RAB28: variants seen among roughly 807,000 people sequenced by gnomAD.
RAB28 encodes ras-related protein Rab-28.
RAB28 carries 24 observed loss-of-function variants against 31.7 expected under a neutral mutation model. The observed-to-expected ratio is 0.76, with a 90% CI of 0.55 to 1.06. The LOEUF is 1.06. Ranked by LOEUF, RAB28 falls within the 50% of genes least tolerant of loss-of-function variation. RAB28 has a pLI of 0.00. For synonymous variants in RAB28, 100 were observed against 90.4 expected, an observed-to-expected ratio of 1.11 and a Z score of -0.60; for missense variants, 254 against 258.5, an observed-to-expected ratio of 0.98 and a Z score of 0.12.
In RAB28 at chr4:13,479,671, G is replaced by C. The variant is rs1716521862; in HGVS notation, c.76-145C>G. On this transcript the variant is annotated intron_variant, in intron 1 of 6. Coordinates refer to ENST00000330852, the MANE Select transcript of RAB28 (RefSeq NM_001017979.3). ...AAGCAGTTCTAATCAGTTACAAGGA[G>C]GGGAGAGACTTAACACCACCAGGTA... 9 of 581,252 alleles carry C rather than the reference G, an allele frequency of 1.5e-5. No individual in the cohort carries two copies. In the East Asian group the frequency reaches 2.7e-4, roughly 18 times the overall value. The allele number at this position is 581,252 out of a possible 1,614,324, so 36.0% of individuals were successfully genotyped here.
rs936913174 is a variant in RAB28, at chr4:13,435,929, C to T, written c.391+24770G>A. Among the ~76,000 whole-genome samples the T allele has an allele frequency of 1.1e-4, 16 of 152,060 alleles. No homozygotes were observed. The East Asian group carries it at 1.5e-3, about 15-fold the overall frequency. Reference sequence around the variant, plus strand: ...CAAGAACAACATAAAAAGAAAATTACAGGCCAATATGAACATAGAAGCAAA... The same window carrying T: ...CAAGAACAACATAAAAAGAAAATTATAGGCCAATATGAACATAGAAGCAAA... On this transcript the variant is annotated intron_variant, in intron 4 of 6. Transcript: ENST00000330852.
chr4:13,457,340 T>C (rs973001285), intron 4 of RAB28, among the ~76,000 whole-genome samples: 6 of 152,252 alleles, frequency 3.9e-5, no homozygotes, highest in South Asian at 2.1e-4. Context: ...AATTTGGAAA[T>C]AGAAATTAAA....
intron 5 of RAB28, 52 bp from the exon 6 acceptor site, chr4:13,376,674 T>C (rs1045011510): frequency 4.9e-6 from 6 of 1,222,920 alleles, no homozygotes; most frequent in Admixed American, 4.7e-5. Flanking sequence ...GCTTAAGTTA[T>C]CTTCAAATAA....
intron 6 of RAB28, chr4:13,370,009 T>TAAAAAAAAAAAAAAAAAA: frequency 8.1e-7 from 1 of 1,233,892 alleles, no homozygotes; most frequent in Non-Finnish European, 1.1e-6. Flanking sequence ...AAAAAAGAAT[T>TAAAAAAAAAAAAAAAAAA]AAAAAAAAAA....
chr4:13,451,287 G>C (rs185948259), intron 4 of RAB28, among the ~76,000 whole-genome samples: 283 of 151,686 alleles, frequency 1.9e-3, no homozygotes, highest in African/African-American at 6.6e-3. Context: ...GATTAGTGAT[G>C]TTGGAACATT....
chr4:13,412,100 T>C (rs916822771), intron 4 of RAB28, among the ~76,000 whole-genome samples: 5 of 151,832 alleles, frequency 3.3e-5, no homozygotes, highest in African/African-American at 1.2e-4. Flanking sequence ...CACAATTTGT[T>C]GAAGAAGGGA....
chr4:13,443,664 TATC>T (rs1410178828), intron 4 of RAB28, among the ~76,000 whole-genome samples: 2 of 152,190 alleles, frequency 1.3e-5, no homozygotes. Flanking sequence ...TAACCTCACT[TATC>T]ATACTTGTCA....
Position 13,407,941 on chromosome 4 carries a change from T to C in RAB28, c.392-26347A>G, listed in dbSNP as rs186650817. On this transcript the variant is annotated intron_variant, in intron 4 of 6. Coordinates refer to ENST00000330852, the MANE Select transcript of RAB28 (RefSeq NM_001017979.3). The stretch of plus-strand genomic sequence containing the variant: ...CTGAGATGATGGGGTTTTCTAAATA[T>C]ACAATCATGTCATCTGCAAACAGAG... Among the ~76,000 whole-genome samples, 530 of 152,326 alleles carry C rather than the reference T, an allele frequency of 3.5e-3. 6 individuals are homozygous for C. The highest frequency in any genetic ancestry group is 5.2e-3 in the Non-Finnish European group (354 of 68,024).
intron 3 of RAB28, among the ~76,000 whole-genome samples, chr4:13,470,474 T>C (rs1716069641): frequency 1.3e-5 from 2 of 152,056 alleles, no homozygotes; most frequent in South Asian, 2.1e-4. Flanking sequence ...AGTAGGCTCA[T>C]CTGTGTGGGG....
At chr4:13,483,109 C>T (rs1716686748) in intron 1 of RAB28, among the ~76,000 whole-genome samples, 1 of 152,102 alleles carries the variant, frequency 6.6e-6, no homozygotes, top group South Asian at 2.1e-4. Context: ...AGAAGGCATC[C>T]GGGTAGAGGC....
chr4:13,383,313 CACTT>C (rs2108883850), intron 4 of RAB28, among the ~76,000 whole-genome samples: 2 of 152,212 alleles, frequency 1.3e-5, no homozygotes, highest in South Asian at 2.1e-4. Context: ...AAAGTTGTGT[CACTT>C]AATGTGTGTG....
chr4:13,368,648 CCT>C lies in RAB28; in HGVS notation c.574_575del (p.Arg192GlyfsTer19). On this transcript the variant is annotated frameshift_variant and splice_region_variant, in exon 7 of 7. Coordinates refer to ENST00000330852, the MANE Select transcript of RAB28 (RefSeq NM_001017979.3). LOFTEE classifies it high-confidence loss of function. Reference sequence around the variant, plus strand: ...AGTTTACAATATCTGCCTTCACCACCCTCTGTCATAAAAGAAAACAGAGTTAT... The same window carrying C: ...AGTTTACAATATCTGCCTTCACCACCCTGTCATAAAAGAAAACAGAGTTAT... ...LNKAEIEQSQ[R>X]VVKADIVNYN... is the part of the protein sequence containing the mutation. 1 of 1,608,542 alleles carries C rather than the reference CCT, an allele frequency of 6.2e-7. No homozygotes were observed. Among genetic ancestry groups the C allele is most frequent in the Non-Finnish European group, 8.5e-7 (1 of 1,176,282 alleles).
intron 4 of RAB28, among the ~76,000 whole-genome samples, chr4:13,455,836 C>A (rs1715273388): frequency 6.6e-6 from 1 of 152,204 alleles, no homozygotes; most frequent in Admixed American, 6.5e-5. Context: ...TGTCTCTGGA[C>A]CAATCTGATC....
intron 4 of RAB28, among the ~76,000 whole-genome samples, chr4:13,450,493 A>C (rs1462379753): frequency 6.6e-6 from 1 of 151,972 alleles, no homozygotes; most frequent in Non-Finnish European, 1.5e-5. Flanking sequence ...TTCCCTGAAT[A>C]ACACATCCAG....
At chr4:13,406,462 A>G (rs1005570693) in intron 4 of RAB28, among the ~76,000 whole-genome samples, 1 of 152,156 alleles carries the variant, frequency 6.6e-6, no homozygotes, top group Admixed American at 6.5e-5. Context: ...CAATAAACAT[A>G]GGTGTGTATG....
At chr4:13,424,198 A>G (rs1713344012) in intron 4 of RAB28, among the ~76,000 whole-genome samples, 1 of 152,210 alleles carries the variant, frequency 6.6e-6, no homozygotes, top group Non-Finnish European at 1.5e-5. Context: ...TGCCATAAGA[A>G]AGTACTACAA....
chr4:13,375,028 C>G (rs1240512602), intron 6 of RAB28, among the ~76,000 whole-genome samples: 2 of 152,022 alleles, frequency 1.3e-5, no homozygotes, highest in Non-Finnish European at 2.9e-5. Context: ...TTATTCATAC[C>G]AGCTCCTCTT....
At chr4:13,483,888 T>C (rs1028111973) in intron 1 of RAB28, among the ~76,000 whole-genome samples, 188 bp downstream of exon 1, 1 of 152,156 alleles carries the variant, frequency 6.6e-6, no homozygotes, top group African/African-American at 2.4e-5. Flanking sequence ...AAGGGGGAGC[T>C]GGACAGCTCT....
At chr4:13,389,183 C>T (rs888640911) in intron 4 of RAB28, among the ~76,000 whole-genome samples, 3 of 152,064 alleles carry the variant, frequency 2.0e-5, no homozygotes, top group Non-Finnish European at 4.4e-5. Context: ...GAGCGCATTA[C>T]GTTAAGTGAA....
Sources: gnomAD v4.1 joint callset for allele counts (sites outside exome capture counted in the v4.1 genomes callset) on GRCh38, gnomAD v4.1.1 for gene constraint, MANE v1.5 for transcripts, NCBI Gene and HGNC (gene_info 2026-07-23, HGNC 2026-07-21) for gene names.